Variants in DCDC2C observed in about 807,000 individuals in gnomAD.
The protein encoded by DCDC2C is doublecortin domain containing 2C, also known as doublecortin domain-containing protein 2C.
In DCDC2C, 44 loss-of-function variants were observed where a neutral mutation model predicts 45.0. That is an observed-to-expected ratio of 0.98 (90% CI 0.77 to 1.26). The LOEUF (loss-of-function observed/expected upper bound fraction) is 1.26, where lower values mean the gene tolerates loss of function less well. DCDC2C is among the 50% of genes most tolerant of loss of function. DCDC2C has a pLI of 0.00. For missense variants in DCDC2C, 447 were observed against 468.9 expected (o/e 0.95, Z 0.43); for synonymous variants, 187 against 178.8 (o/e 1.05, Z -0.37).
chr2:3,742,448 G>A (rs1209779545), intron 4 of DCDC2C, among the ~76,000 whole-genome samples: 1 of 152,088 alleles, frequency 6.6e-6, no homozygotes. Flanking sequence ...TGGCAGAGAT[G>A]GGGGAAATGA....
intron 6 of DCDC2C, among the ~76,000 whole-genome samples, chr2:3,766,274 CCACATACACACTCATACATA>C (rs1443658583): frequency 6.6e-6 from 1 of 151,514 alleles, no homozygotes; most frequent in Non-Finnish European, 1.5e-5. Flanking sequence ...TAATAGGACA[CCACATACACACTCATACATA>C]CACATACACA....
At chr2:3,811,946 G>C (rs1329666012) in intron 10 of DCDC2C, among the ~76,000 whole-genome samples, 1 of 152,186 alleles carries the variant, frequency 6.6e-6, no homozygotes, top group Non-Finnish European at 1.5e-5. Context: ...CATTGTGGTG[G>C]ATAAGCTTTT....
At chr2:3,842,746 C>A (rs2168045) in intron 10 of DCDC2C, among the ~76,000 whole-genome samples, 39,279 of 151,934 alleles carry the variant, frequency 0.26, 5,415 homozygotes, top group East Asian at 0.41. Context: ...CTGGGTGGCT[C>A]TCCTCCACAC....
chr2:3,778,676 C>T (rs2148171206), intron 8 of DCDC2C, 140 bp from the exon 9 acceptor site: 1 of 699,942 alleles, frequency 1.4e-6, no homozygotes, highest in Non-Finnish European at 2.4e-6. Flanking sequence ...TGCCATCCTG[C>T]ATCTGGAGAA....
intron 8 of DCDC2C, among the ~76,000 whole-genome samples, chr2:3,769,674 G>A (rs1353152729): frequency 1.3e-5 from 2 of 152,164 alleles, no homozygotes; most frequent in African/African-American, 2.4e-5. Context: ...ATCATTATTT[G>A]ATGATTGTGT....
intron 2 of DCDC2C, among the ~76,000 whole-genome samples, chr2:3,725,676 G>T (rs111956870): frequency 4.0e-3 from 560 of 141,524 alleles, no homozygotes; most frequent in African/African-American, 0.014. Context: ...CAGAGAGTGA[G>T]GAGGCTGCCA....
intron 2 of DCDC2C, among the ~76,000 whole-genome samples, chr2:3,724,230 C>A (rs558937815): frequency 6.6e-6 from 1 of 152,274 alleles, no homozygotes; most frequent in East Asian, 1.9e-4. Context: ...CAGATTTGAC[C>A]AATTCCAAAG....
rs376888730 is a variant in DCDC2C at position 3,814,197 on chromosome 2, T to C, written c.1065+29097T>C. ...TTCAGTATTTTGATGATGTCCCATA[T>C]TTCTTGGAGGCTTTGTTCATCCCTT... On this transcript the variant is annotated intron_variant, in intron 10 of 10. Transcript: ENST00000399143. Among the ~76,000 whole-genome samples, 5 of 152,348 alleles carry C rather than the reference T, an allele frequency of 3.3e-5. No homozygotes were observed. In the South Asian group the frequency reaches 6.2e-4, roughly 19 times the overall value.
intron 10 of DCDC2C, among the ~76,000 whole-genome samples, chr2:3,793,994 T>TA (rs1239422270): frequency 6.6e-6 from 1 of 152,258 alleles, no homozygotes; most frequent in African/African-American, 2.4e-5. Flanking sequence ...TCTTTGGTAC[T>TA]ACACCAAAAC....
At chr2:3,781,160 T>C (rs1320537147) in intron 9 of DCDC2C, among the ~76,000 whole-genome samples, 1 of 152,256 alleles carries the variant, frequency 6.6e-6, no homozygotes, top group Non-Finnish European at 1.5e-5. Flanking sequence ...GAGCAAGCGT[T>C]TTATATGCAT....
At chr2:3,767,724 T>C in intron 6 of DCDC2C, 30 bp from the exon 7 acceptor site, 1 of 1,549,706 alleles carries the variant, frequency 6.5e-7, no homozygotes, top group Non-Finnish European at 8.7e-7. Flanking sequence ...CTGTTCTTAA[T>C]GGACTTTCTC....
chr2:3,802,690 C>T (rs1412324474), intron 10 of DCDC2C, among the ~76,000 whole-genome samples: 1 of 152,128 alleles, frequency 6.6e-6, no homozygotes, highest in Non-Finnish European at 1.5e-5. Context: ...GGGCTGATCA[C>T]CTTCCAAAGG....
chr2:3,770,464 C>T (rs1029919016), intron 8 of DCDC2C, among the ~76,000 whole-genome samples: 8 of 152,308 alleles, frequency 5.3e-5, no homozygotes, highest in African/African-American at 1.7e-4. Flanking sequence ...ATTTTGAGCA[C>T]CTTTCCTATG....
At chr2:3,792,918 G>T (rs1348463727) in intron 10 of DCDC2C, among the ~76,000 whole-genome samples, 1 of 152,200 alleles carries the variant, frequency 6.6e-6, no homozygotes, top group African/African-American at 2.4e-5. Flanking sequence ...AGGGAACCTG[G>T]CAGCTTTTCC....
At chr2:3,833,609 G>A (rs1452971386) in intron 10 of DCDC2C, among the ~76,000 whole-genome samples, 1 of 152,184 alleles carries the variant, frequency 6.6e-6, no homozygotes, top group Non-Finnish European at 1.5e-5. Flanking sequence ...TCCTTTGGAA[G>A]TGTACCCAAA....
chr2:3,716,327 A>C (rs928878093), intron 2 of DCDC2C, among the ~76,000 whole-genome samples: 2 of 152,124 alleles, frequency 1.3e-5, no homozygotes, highest in Non-Finnish European at 2.9e-5. Context: ...GGGTGATGAG[A>C]GACAGGGTGG....
intron 8 of DCDC2C, among the ~76,000 whole-genome samples, chr2:3,772,621 T>C (rs536366042): frequency 6.6e-6 from 1 of 152,348 alleles, no homozygotes; most frequent in South Asian, 2.1e-4. Context: ...TTGGTCTTCC[T>C]GACAGTGCAA....
intron 2 of DCDC2C, among the ~76,000 whole-genome samples, chr2:3,713,178 A>C (rs1254698951): frequency 6.6e-6 from 1 of 152,182 alleles, no homozygotes; most frequent in Non-Finnish European, 1.5e-5. Flanking sequence ...GCTAGTATTA[A>C]ATGAATTTCT....
chr2:3,705,685 G>A lies in DCDC2C; in HGVS notation c.287+1647G>A, dbSNP rs868858973. On this transcript the variant is annotated intron_variant, in intron 1 of 10. Coordinates refer to ENST00000399143, the MANE Select transcript of DCDC2C (RefSeq NM_001287444.2). ...TGTTACTCTTTCCCCTTGCTGTGGG[G>A]CTGGATATTTTCTAACCAGACCGTG... Among the ~76,000 whole-genome samples, 129 of 152,188 alleles carry A rather than the reference G, an allele frequency of 8.5e-4. 5 individuals are homozygous for A. The highest frequency in any genetic ancestry group is 5.9e-4 in the Admixed American group (9 of 15,274).
Sources: gnomAD v4.1 joint callset for allele counts (sites outside exome capture counted in the v4.1 genomes callset) on GRCh38, gnomAD v4.1.1 for gene constraint, MANE v1.5 for transcripts, NCBI Gene and HGNC (gene_info 2026-07-23, HGNC 2026-07-21) for gene names.